LTBP1: variants seen among roughly 807,000 people sequenced by gnomAD.
LTBP1 encodes latent transforming growth factor beta binding protein 1.
LTBP1 carries 129 observed loss-of-function variants against 207.6 expected under a neutral mutation model. The ratio of observed to expected loss-of-function variants is 0.62; its 90% CI spans 0.54 to 0.72. The LOEUF (loss-of-function observed/expected upper bound fraction) is 0.72. LTBP1 is among the 30% of genes least tolerant of loss of function. The pLI is 0.00. For missense variants in LTBP1, 2,281 were observed against 2,217.2 expected, an observed-to-expected ratio of 1.03 and a Z score of -0.58; for synonymous variants, 963 against 833.7, an observed-to-expected ratio of 1.16 and a Z score of -2.67.
intron 9 of LTBP1, among the ~76,000 whole-genome samples, chr2:33,240,901 C>A (rs150865602): frequency 6.6e-6 from 1 of 152,054 alleles, no homozygotes; most frequent in Admixed American, 6.6e-5. Context: ...CTGCCCACCT[C>A]GGCCTCCCAA....
chr2:33,321,677 T>C (rs1321448273), intron 24 of LTBP1, among the ~76,000 whole-genome samples: 1 of 152,218 alleles, frequency 6.6e-6, no homozygotes, highest in South Asian at 2.1e-4. Context: ...CCAAGTGGGA[T>C]GCTGAAGAAC....
intron 15 of LTBP1, among the ~76,000 whole-genome samples, chr2:33,268,973 G>T (rs2148236049): frequency 6.6e-6 from 1 of 152,204 alleles, no homozygotes; most frequent in Non-Finnish European, 1.5e-5. Flanking sequence ...ACTCAGAAAT[G>T]ACCCAAAAAT....
intron 2 of LTBP1, among the ~76,000 whole-genome samples, chr2:32,962,801 G>A (rs1441574368): frequency 1.3e-5 from 2 of 152,236 alleles, no homozygotes; most frequent in South Asian, 2.1e-4. Flanking sequence ...CTGGAATGGG[G>A]CGTCAGCTCC....
intron 31 of LTBP1, among the ~76,000 whole-genome samples, chr2:33,386,826 C>CTTTTTT (rs1009498572): frequency 4.2e-5 from 5 of 119,348 alleles, no homozygotes; most frequent in South Asian, 2.8e-4. Flanking sequence ...GAGCAAGACC[C>CTTTTTT]TTTTTTTTTT....
chr2:33,395,163 G>C (rs902510234), intron 32 of LTBP1, among the ~76,000 whole-genome samples: 3 of 152,090 alleles, frequency 2.0e-5, no homozygotes, highest in Admixed American at 1.3e-4. Flanking sequence ...GTTCAATGTT[G>C]GGTATGCCAT....
chr2:32,975,583 G>GTTTTTTTTTTT lies in LTBP1; in HGVS notation c.565+26666_565+26676dup, dbSNP rs779168923. Among the ~76,000 whole-genome samples, 55 of 31,378 alleles carry GTTTTTTTTTTT rather than the reference G, an allele frequency of 1.8e-3. 18 individuals carry two copies. Among genetic ancestry groups the GTTTTTTTTTTT allele is most frequent in the African/African-American group, 4.5e-3 (33 of 7,284 alleles). 20.6% of individuals were successfully genotyped at this position (31,378 alleles called of 152,430 possible). On this transcript the variant is annotated intron_variant, in intron 2 of 33. Coordinates refer to ENST00000404816, the MANE Select transcript of LTBP1 (RefSeq NM_206943.4). ...TTGTTGGAGGTTTCATTCATTCTTT[G>GTTTTTTTTTTT]TTTTTTTTTTTTTTTTTTTTTTTTT... is the stretch of plus-strand genomic sequence containing the variant.
At chr2:33,069,945 A>G (rs1031223057) in intron 3 of LTBP1, among the ~76,000 whole-genome samples, 1 of 152,212 alleles carries the variant, frequency 6.6e-6, no homozygotes, top group Non-Finnish European at 1.5e-5. Flanking sequence ...AAGTGAGCAT[A>G]GCATGTGGGA....
intron 26 of LTBP1, among the ~76,000 whole-genome samples, chr2:33,352,541 C>T (rs2094796157): frequency 6.6e-6 from 1 of 152,140 alleles, no homozygotes; most frequent in South Asian, 2.1e-4. Context: ...GCCAGTTCTA[C>T]CTCCAGGGTG....
chr2:33,086,797 T>C (rs2078778568), intron 3 of LTBP1, among the ~76,000 whole-genome samples: 3 of 152,192 alleles, frequency 2.0e-5, no homozygotes, highest in Admixed American at 6.5e-5. Context: ...AAAGTGATTT[T>C]CACTTCCTTG....
At chr2:32,989,754 C>G (rs1684124714) in intron 2 of LTBP1, among the ~76,000 whole-genome samples, 1 of 152,154 alleles carries the variant, frequency 6.6e-6, no homozygotes, top group African/African-American at 2.4e-5. Flanking sequence ...GTGTAATGGT[C>G]AAGGGAGCGA....
At chr2:33,364,653 G>T (rs2094963124) in intron 30 of LTBP1, among the ~76,000 whole-genome samples, 2 of 152,292 alleles carry the variant, frequency 1.3e-5, no homozygotes, top group Non-Finnish European at 2.9e-5. Context: ...GGCAGCTGAG[G>T]GAAATGTAAT....
intron 3 of LTBP1, among the ~76,000 whole-genome samples, chr2:33,103,600 TGTGTGTGTGTGTGTGTGTGTGTGTGTGA>T (rs1481091178): frequency 2.8e-5 from 4 of 141,490 alleles, no homozygotes; most frequent in Non-Finnish European, 6.3e-5. Context: ...TGTGTGTGTG[TGTGTGTGTGTGTGTGTGTGTGTGTGTGA>T]GTGTTATGCT....
intron 9 of LTBP1, among the ~76,000 whole-genome samples, chr2:33,227,273 C>T (rs779835668): frequency 2.0e-5 from 3 of 152,198 alleles, no homozygotes; most frequent in South Asian, 2.1e-4. Flanking sequence ...GCAAATCACC[C>T]GTCTCCACCT....
In LTBP1 at chr2:33,385,469, T is replaced by A. The variant is rs375326425; in HGVS notation, c.4712-3715T>A. Among the ~76,000 whole-genome samples the A allele has an allele frequency of 4.1e-4, 63 of 152,342 alleles. No individual in the cohort carries two copies. The South Asian group carries it at 0.012, about 29-fold the overall frequency. On this transcript the variant is annotated intron_variant, in intron 31 of 33. Coordinates refer to ENST00000404816, the MANE Select transcript of LTBP1 (RefSeq NM_206943.4). ...TAGTGATGTCACCCACAGGAAAAAA[T>A]TGGATTCTCCATTTTCTTGATGCTT...
chr2:33,014,021 G>C (rs140732671), intron 2 of LTBP1, among the ~76,000 whole-genome samples: 92 of 152,288 alleles, frequency 6.0e-4, no homozygotes, highest in African/African-American at 2.1e-3. Flanking sequence ...GGAAAATAGG[G>C]TGGAAAGAAT....
chr2:33,304,013 C>G (rs985377325), intron 22 of LTBP1, among the ~76,000 whole-genome samples: 3 of 152,184 alleles, frequency 2.0e-5, no homozygotes, highest in Non-Finnish European at 4.4e-5. Flanking sequence ...CTCGCTTTGT[C>G]TCTTTTAATG....
intron 2 of LTBP1, among the ~76,000 whole-genome samples, chr2:33,019,874 AT>A (rs3047195): frequency 0.17 from 23,369 of 134,968 alleles, 1,974 homozygotes; most frequent in African/African-American, 0.26. Context: ...AGCTAATTAA[AT>A]TTTTTTTTTT....
At chr2:33,194,801 C>G (rs1447598949) in intron 7 of LTBP1, among the ~76,000 whole-genome samples, 1 of 152,236 alleles carries the variant, frequency 6.6e-6, no homozygotes, top group Non-Finnish European at 1.5e-5. Context: ...TTAGGACTTT[C>G]ATAGCTAGAG....
At chr2:33,094,884 T>G (rs218208) in intron 3 of LTBP1, among the ~76,000 whole-genome samples, 5 of 152,012 alleles carry the variant, frequency 3.3e-5, no homozygotes, top group Non-Finnish European at 7.4e-5. Flanking sequence ...CTAACGAGAA[T>G]ATATTTCTCC....
Sources: gnomAD v4.1 joint callset for allele counts (sites outside exome capture counted in the v4.1 genomes callset) on GRCh38, gnomAD v4.1.1 for gene constraint, MANE v1.5 for transcripts, NCBI Gene and HGNC (gene_info 2026-07-23, HGNC 2026-07-21) for gene names.